Variants in CDH12 observed in about 807,000 individuals in gnomAD.
CDH12 encodes cadherin 12, also known as cadherin-12.
A neutral mutation model predicts 74.1 loss-of-function variants in CDH12; 41 were observed. The ratio of observed to expected loss-of-function variants is 0.55; its 90% CI spans 0.43 to 0.72. The LOEUF is 0.72. Among genes scored for constraint, CDH12 ranks in the 30% least tolerant of loss-of-function variants. The pLI, the probability that CDH12 is intolerant of heterozygous loss-of-function variation, is 0.00. For missense variants in CDH12, 945 were observed against 977.2 expected (o/e 0.97, Z 0.44); for synonymous variants, 399 against 355.0 (o/e 1.12, Z -1.39).
intron 1 of CDH12, among the ~76,000 whole-genome samples, chr5:22,819,705 T>C (rs1749570820): frequency 6.6e-6 from 1 of 151,578 alleles, no homozygotes; most frequent in Admixed American, 6.6e-5. Context: ...AAATGTGAAA[T>C]TATCAAACGC....
intron 10 of CDH12, among the ~76,000 whole-genome samples, chr5:21,798,810 T>C (rs2149918095): frequency 6.6e-6 from 1 of 152,254 alleles, no homozygotes; most frequent in Admixed American, 6.5e-5. Flanking sequence ...ACATATATGT[T>C]TTTTGCTGAA....
chr5:21,883,675 G>A, intron 6 of CDH12: 3 of 1,612,006 alleles, frequency 1.9e-6, no homozygotes, highest in Non-Finnish European at 2.5e-6. Flanking sequence ...AAAGGAAAAG[G>A]TGACAAGGCT....
intron 1 of CDH12, among the ~76,000 whole-genome samples, chr5:22,686,308 T>C (rs1305377935): frequency 6.6e-6 from 1 of 152,142 alleles, no homozygotes; most frequent in Non-Finnish European, 1.5e-5. Context: ...GATTTAAAAA[T>C]ATTTTCTCCC....
At chr5:22,480,405 A>G (rs1332126889) in intron 2 of CDH12, among the ~76,000 whole-genome samples, 5 of 151,864 alleles carry the variant, frequency 3.3e-5, no homozygotes, top group African/African-American at 1.2e-4. Context: ...AAACATGGTG[A>G]AACTTTGTCT....
intron 1 of CDH12, among the ~76,000 whole-genome samples, chr5:22,739,902 T>C (rs999223850): frequency 2.6e-5 from 4 of 152,108 alleles, no homozygotes; most frequent in Admixed American, 2.6e-4. Context: ...CTTCCAGGTA[T>C]ATAAAATGGG....
chr5:22,189,856 C>CA (rs140271612), intron 4 of CDH12, among the ~76,000 whole-genome samples: 97 of 152,202 alleles, frequency 6.4e-4, no homozygotes, highest in African/African-American at 2.2e-3. Flanking sequence ...ATCTTCCCCC[C>CA]GCCTATCCCC....
intron 1 of CDH12, among the ~76,000 whole-genome samples, chr5:22,749,706 C>T (rs1745467330): frequency 6.6e-6 from 1 of 152,146 alleles, no homozygotes; most frequent in South Asian, 2.1e-4. Flanking sequence ...TTGCTTCATT[C>T]TGTGTTCAGA....
chr5:22,843,585 C>T lies in CDH12; in HGVS notation c.-523+9473G>A, dbSNP rs761895253. On this transcript the variant is annotated intron_variant, in intron 1 of 14. Coordinates refer to ENST00000382254, the MANE Select transcript of CDH12 (RefSeq NM_004061.5). The stretch of plus-strand genomic sequence containing the variant: ...AGCATTTAGCTAGCTTTAGAGATCT[C>T]ACTGAAGAAGTTGTTCTTAACATTT... 1.5e-4 allele frequency among the ~76,000 whole-genome samples: 22 copies of T among 151,216 alleles called. 1 individual carries two copies. The highest frequency in any genetic ancestry group is 8.4e-4 in the South Asian group (4 of 4,786).
chr5:22,008,886 TTC>T (rs1382332028), intron 5 of CDH12, among the ~76,000 whole-genome samples: 1 of 152,138 alleles, frequency 6.6e-6, no homozygotes, highest in Non-Finnish European at 1.5e-5. Flanking sequence ...AGTCCTCTCT[TTC>T]CCTTCTCTAC....
chr5:22,730,884 A>T (rs77108955), intron 1 of CDH12, among the ~76,000 whole-genome samples: 1,867 of 152,026 alleles, frequency 0.012, 35 homozygotes, highest in African/African-American at 0.042. Context: ...AAAGATTAAA[A>T]CAGAAGAAAT....
At chr5:22,844,857 C>T (rs573126395) in intron 1 of CDH12, among the ~76,000 whole-genome samples, 4 of 152,170 alleles carry the variant, frequency 2.6e-5, no homozygotes, top group Admixed American at 1.3e-4. Flanking sequence ...AATTAAATCT[C>T]GGAGGGCTTT....
rs186410742 is a variant in CDH12, at chr5:22,781,677, G to A, written c.-523+71381C>T. 2.7e-3 allele frequency among the ~76,000 whole-genome samples: 406 copies of A among 152,282 alleles called. 2 individuals carry two copies. The highest frequency in any genetic ancestry group is 9.2e-3 in the African/African-American group (384 of 41,568). ...TAGGTTCTGTACTCTTTAGTCCAGAGTAACTGAATCTATTAATTTCCCCTG... is the reference window on the plus strand; with the variant it reads ...TAGGTTCTGTACTCTTTAGTCCAGAATAACTGAATCTATTAATTTCCCCTG... On this transcript the variant is annotated intron_variant, in intron 1 of 14. Transcript: ENST00000382254.
chr5:22,196,089 A>G (rs1031309839), intron 4 of CDH12, among the ~76,000 whole-genome samples: 1 of 151,226 alleles, frequency 6.6e-6, no homozygotes, highest in African/African-American at 2.4e-5. Context: ...TACAGTGTGT[A>G]TGTATGTGGG....
At chr5:22,507,021 T>C (rs1184892567) in intron 1 of CDH12, among the ~76,000 whole-genome samples, 1 of 152,128 alleles carries the variant, frequency 6.6e-6, no homozygotes, top group African/African-American at 2.4e-5. Context: ...TCCACACAAG[T>C]GGACATGTTT....
In CDH12 at chr5:22,299,200, G is replaced by A. The variant is rs1341492215; in HGVS notation, c.-332-86557C>T. On this transcript the variant is annotated intron_variant, in intron 3 of 14. Transcript: ENST00000382254. ...AGGGAACATGACTGATAGGTTAGCC[G>A]TAAAGTAAGGAACCCAATGTAGTTA... Among the ~76,000 whole-genome samples the A allele has an allele frequency of 2.4e-4, 37 of 152,226 alleles. 1 individual carries two copies. The highest frequency in any genetic ancestry group is 3.4e-3 in the Middle Eastern group (1 of 294).
chr5:22,010,846 G>T (rs1737254260), intron 5 of CDH12, among the ~76,000 whole-genome samples: 1 of 152,124 alleles, frequency 6.6e-6, no homozygotes, highest in African/African-American at 2.4e-5. Context: ...TTCTCCATGA[G>T]ATTTACATCC....
chr5:22,617,432 G>A (rs1408516679), intron 1 of CDH12, among the ~76,000 whole-genome samples: 3 of 152,016 alleles, frequency 2.0e-5, no homozygotes, highest in Non-Finnish European at 4.4e-5. Context: ...AAAGCAGAGG[G>A]GAGATCATAT....
intron 3 of CDH12, among the ~76,000 whole-genome samples, chr5:22,378,839 T>C (rs572919842): frequency 2.0e-5 from 3 of 152,246 alleles, no homozygotes; most frequent in Non-Finnish European, 4.4e-5. Context: ...AGAAATTGCA[T>C]TTATTTTCCT....
chr5:22,231,545 G>C (rs568448971), intron 3 of CDH12, among the ~76,000 whole-genome samples: 4 of 151,926 alleles, frequency 2.6e-5, no homozygotes, highest in Non-Finnish European at 5.9e-5. Context: ...TTATTTAGTA[G>C]GTACCAAGAG....
Sources: gnomAD v4.1 joint callset for allele counts (sites outside exome capture counted in the v4.1 genomes callset) on GRCh38, gnomAD v4.1.1 for gene constraint, MANE v1.5 for transcripts, NCBI Gene and HGNC (gene_info 2026-07-23, HGNC 2026-07-21) for gene names.